Variants in CDKL3 observed in about 807,000 individuals in gnomAD.
CDKL3 encodes the protein cyclin dependent kinase like 3.
In CDKL3, 65 loss-of-function variants were observed where a neutral mutation model predicts 69.3. That is an observed-to-expected ratio of 0.94 (90% CI 0.77 to 1.15). The LOEUF is 1.15. Among genes scored for constraint, CDKL3 ranks in the 50% most tolerant of loss-of-function variants. The pLI, the probability that CDKL3 is intolerant of heterozygous loss-of-function variation, is 0.00. For synonymous variants in CDKL3, 202 were observed against 221.6 expected (o/e 0.91, Z 0.79); for missense variants, 652 against 689.2 (o/e 0.95, Z 0.61).
intron 4 of CDKL3, among the ~76,000 whole-genome samples, chr5:134,333,260 A>G (rs557349745): frequency 7.9e-5 from 12 of 152,206 alleles, no homozygotes; most frequent in Non-Finnish European, 1.5e-4. Context: ...GTCATCTGCA[A>G]ACAGAGACAA....
At position 134,290,740 on chromosome 5, in the gene CDKL3, T is replaced by C. The variant is rs1410937396; in HGVS notation, c.*678-4181A>G. 3.3e-5 allele frequency among the ~76,000 whole-genome samples: 5 copies of C among 152,100 alleles called. No individual in the cohort carries two copies. The East Asian group carries it at 9.6e-4, about 29-fold the overall frequency. On this transcript the variant is annotated intron_variant and NMD_transcript_variant, in intron 8 of 8. Transcript: ENST00000519312. ...TTTGTAGAGATGGGGTCTTGCTATATTGCCCAGGCTGATCTCAAACTCCTG... is the reference window on the plus strand; with the variant it reads ...TTTGTAGAGATGGGGTCTTGCTATACTGCCCAGGCTGATCTCAAACTCCTG...
intron 3 of CDKL3, among the ~76,000 whole-genome samples, chr5:134,356,883 G>A (rs1271728937): frequency 6.6e-6 from 1 of 151,830 alleles, no homozygotes; most frequent in East Asian, 1.9e-4. Flanking sequence ...CCACGTGGAT[G>A]AGGGCAACAG....
chr5:134,322,367 C>T (rs1773020246), intron 4 of CDKL3, among the ~76,000 whole-genome samples: 1 of 152,060 alleles, frequency 6.6e-6, no homozygotes, highest in African/African-American at 2.4e-5. Context: ...TTGGTAATTG[C>T]TATATTGGTG....
chr5:134,336,202 T>G (rs921087907), intron 4 of CDKL3, among the ~76,000 whole-genome samples: 1 of 152,186 alleles, frequency 6.6e-6, no homozygotes, highest in African/African-American at 2.4e-5. Context: ...TCTATACTGG[T>G]TATTCTAGTT....
chr5:134,309,494 T>C (rs1768805472), intron 7 of CDKL3, among the ~76,000 whole-genome samples: 1 of 152,238 alleles, frequency 6.6e-6, no homozygotes, highest in South Asian at 2.1e-4. Flanking sequence ...ATTTTGGTTT[T>C]AGTTTGATTT....
downstream of CDKL3, among the ~76,000 whole-genome samples, chr5:134,297,569 T>C (rs1249136337): frequency 4.8e-5 from 7 of 144,894 alleles, no homozygotes; most frequent in Admixed American, 4.8e-4. Context: ...AATAGTTTTT[T>C]CTTTCTTTTT....
chr5:134,337,200 T>C (rs1366066087), intron 4 of CDKL3, among the ~76,000 whole-genome samples: 1 of 152,160 alleles, frequency 6.6e-6, no homozygotes, highest in Non-Finnish European at 1.5e-5. Context: ...GCAAAGACCA[T>C]GGGGAAAGCA....
chr5:134,321,384 G>A (rs1241777795), intron 5 of CDKL3, among the ~76,000 whole-genome samples: 4 of 152,044 alleles, frequency 2.6e-5, no homozygotes, highest in African/African-American at 9.7e-5. Context: ...AAAAAGAAGG[G>A]TGGTTTCTGA....
At chr5:134,346,844 C>A (rs958819937) in intron 4 of CDKL3, among the ~76,000 whole-genome samples, 1 of 152,014 alleles carries the variant, frequency 6.6e-6, no homozygotes, top group Non-Finnish European at 1.5e-5. Context: ...GCATTGAAAC[C>A]CATTAAATAT....
At chr5:134,291,310 T>C (rs921039897) in intron 8 of CDKL3, among the ~76,000 whole-genome samples, 1 of 152,202 alleles carries the variant, frequency 6.6e-6, no homozygotes, top group Non-Finnish European at 1.5e-5. Flanking sequence ...GATTTCAGAA[T>C]CATCAGCATA....
At chr5:134,314,626 G>C (rs1286544499) in intron 6 of CDKL3, among the ~76,000 whole-genome samples, 1 of 152,120 alleles carries the variant, frequency 6.6e-6, no homozygotes, top group African/African-American at 2.4e-5. Context: ...CTGCAAAAAA[G>C]GAACAAATTG....
At chr5:134,362,940 C>CT (rs1433785785) in intron 2 of CDKL3, among the ~76,000 whole-genome samples, 2 of 152,084 alleles carry the variant, frequency 1.3e-5, no homozygotes, top group Non-Finnish European at 2.9e-5. Context: ...AGAACAATAA[C>CT]AACAACAATA....
chr5:134,298,850 A>G, intron 12 of CDKL3, 140 bp from the exon 13 acceptor site: 1 of 1,141,766 alleles, frequency 8.8e-7, no homozygotes, highest in Non-Finnish European at 1.2e-6. Context: ...GATTTGCTTC[A>G]ATGCCTTGCT....
At chr5:134,293,777 G>A (rs549501844), downstream of CDKL3, among the ~76,000 whole-genome samples, 4 of 152,186 alleles carry the variant, frequency 2.6e-5, no homozygotes, top group East Asian at 5.8e-4. Flanking sequence ...TCCAGCCTGG[G>A]TGGCAGAGTA....
intron 7 of CDKL3, among the ~76,000 whole-genome samples, chr5:134,309,107 T>C (rs1454527067): frequency 6.6e-6 from 1 of 152,142 alleles, no homozygotes; most frequent in East Asian, 1.9e-4. Context: ...TTTTTTGAGA[T>C]GGAGTTTCGC....
Position 134,328,733 on chromosome 5 carries a change from C to T in CDKL3, c.540-6830G>A, listed in dbSNP as rs947758659. Among the ~76,000 whole-genome samples, 8 of 152,066 alleles carry T rather than the reference C, an allele frequency of 5.3e-5. No individual in the cohort carries two copies. In the East Asian group the frequency reaches 1.2e-3, roughly 22 times the overall value. ...CCACAAACTAACACATCATACAAAA[C>T]GAAAATCTTGAAAGCAGCATGAGAA... On this transcript the variant is annotated intron_variant, in intron 4 of 12. Coordinates refer to ENST00000265334, the MANE Select transcript of CDKL3 (RefSeq NM_001113575.2).
chr5:134,326,084 T>C (rs1774128589), intron 4 of CDKL3, among the ~76,000 whole-genome samples: 1 of 152,120 alleles, frequency 6.6e-6, no homozygotes, highest in Non-Finnish European at 1.5e-5. Flanking sequence ...AAGGTAATTA[T>C]TTTTAAGTAC....
At chr5:134,356,272 T>A (rs530083151) in intron 3 of CDKL3, among the ~76,000 whole-genome samples, 1 of 152,300 alleles carries the variant, frequency 6.6e-6, no homozygotes, top group African/African-American at 2.4e-5. Flanking sequence ...CCTCTGCTGA[T>A]CTGATAGGAG....
At chr5:134,352,884 C>T (rs973582376) in intron 3 of CDKL3, among the ~76,000 whole-genome samples, 1 of 152,274 alleles carries the variant, frequency 6.6e-6, no homozygotes, top group Non-Finnish European at 1.5e-5. Flanking sequence ...GTTCTCTCTT[C>T]TCTCTATTGT....
Sources: allele counts gnomAD v4.1 joint callset (sites outside exome capture counted in the v4.1 genomes callset), GRCh38; gene constraint gnomAD v4.1.1; transcripts MANE v1.5; gene names NCBI Gene and HGNC (gene_info 2026-07-23, HGNC 2026-07-21).